The following AMOTL1 variants were observed in gnomAD, a reference collection of about 807,000 sequenced individuals.
The protein encoded by AMOTL1 is angiomotin-like protein 1.
A neutral mutation model predicts 102.9 loss-of-function variants in AMOTL1; 45 were observed. The ratio of observed to expected loss-of-function variants is 0.44; its 90% CI spans 0.34 to 0.56. The LOEUF is 0.56. AMOTL1 is among the 20% of genes least tolerant of loss of function. AMOTL1 has a pLI of 0.01. For synonymous variants in AMOTL1, 481 were observed against 484.7 expected, an observed-to-expected ratio of 0.99 and a Z score of 0.10; for missense variants, 1,114 against 1,225.6, an observed-to-expected ratio of 0.91 and a Z score of 1.36.
rs1291112535 is a variant in AMOTL1, at chr11:94,872,835, G to A, written c.*2040G>A. On this transcript the variant is annotated 3_prime_UTR_variant, in exon 13 of 13. Transcript: ENST00000433060. The stretch of plus-strand genomic sequence containing the variant: ...GGAGGCCTCATCCATGGGGGAAAGG[G>A]TTGAGGATGGACATGGGTGGGGAGA... The A allele has an allele frequency of 1.3e-5, 2 of 152,286 alleles. No individual in the cohort carries two copies. Among genetic ancestry groups the A allele is most frequent in the Admixed American group, 6.5e-5 (1 of 15,274 alleles). 9.4% of individuals were successfully genotyped at this position (152,286 alleles called of 1,614,324 possible). A position where few individuals can be genotyped will look rare whatever the true frequency, so the allele number is the denominator to read the frequency against.
rs1952878961 is a variant in AMOTL1, at chr11:94,866,136, A to G, written c.2456A>G (p.Lys819Arg). ...ACCAGCAGCCAGCTGGCTGAGGAAA[A>G]GAAGGAAGAGAAGACCTGGAAGGGG... ...SLTSSQLAEE[K>R]KEEKTWKGSI... The change falls in exon 11 of 13, where the codon AAG becomes AGG. Residue 819 changes from lysine (K) to arginine (R), a missense_variant. Physicochemically the swap from Lys to Arg is conservative, Grantham distance 26. Transcript: ENST00000433060. The G allele has an allele frequency of 6.2e-7, 1 of 1,613,896 alleles. No homozygotes were observed. The highest frequency in any genetic ancestry group is 1.3e-5 in the African/African-American group (1 of 74,936).
At chr11:94,812,432 T>G (rs1189465597) in intron 3 of AMOTL1, among the ~76,000 whole-genome samples, 2 of 152,190 alleles carry the variant, frequency 1.3e-5, no homozygotes, top group Admixed American at 1.3e-4. Flanking sequence ...ATACACAATT[T>G]ACATGTGAGA....
Position 94,855,148 on chromosome 11 carries a change from A to G in AMOTL1, c.1944+1066A>G, listed in dbSNP as rs570653779. Among the ~76,000 whole-genome samples, 7 of 152,318 alleles carry G rather than the reference A, an allele frequency of 4.6e-5. No homozygotes were observed. The South Asian group carries it at 1.2e-3, about 27-fold the overall frequency. Reference sequence around the variant, plus strand: ...AAGGCAGGGCCCCATGGAATTATCTACTGGATAGGGCATAGTGGTTGTGGT... The same window carrying G: ...AAGGCAGGGCCCCATGGAATTATCTGCTGGATAGGGCATAGTGGTTGTGGT... On this transcript the variant is annotated intron_variant, in intron 8 of 12. Coordinates refer to ENST00000433060, the MANE Select transcript of AMOTL1 (RefSeq NM_130847.3).
At chr11:94,778,888 C>T (rs775254951) in intron 1 of AMOTL1, among the ~76,000 whole-genome samples, 37 of 152,094 alleles carry the variant, frequency 2.4e-4, no homozygotes, top group Non-Finnish European at 4.1e-4. Flanking sequence ...CTTATAGGAT[C>T]GGGCTAGTTA....
chr11:94,819,205 A>T (rs2135622046), intron 3 of AMOTL1, among the ~76,000 whole-genome samples: 1 of 152,354 alleles, frequency 6.6e-6, no homozygotes, highest in South Asian at 2.1e-4. Context: ...AAGCAAAATA[A>T]ATCTCAGAAC....
chr11:94,815,293 A>G (rs1251518973), intron 3 of AMOTL1, among the ~76,000 whole-genome samples: 3 of 152,168 alleles, frequency 2.0e-5, no homozygotes, highest in Non-Finnish European at 4.4e-5. Flanking sequence ...TAAATAAGGA[A>G]TTCAGTATTG....
intron 1 of AMOTL1, among the ~76,000 whole-genome samples, chr11:94,774,952 C>T (rs1951003963): frequency 6.6e-6 from 1 of 152,122 alleles, no homozygotes; most frequent in Non-Finnish European, 1.5e-5. Context: ...ATGACTTTTT[C>T]TTCTATCATT....
chr11:94,746,437 G>A (rs1950591198), intron 3 of AMOTL1, among the ~76,000 whole-genome samples: 1 of 152,116 alleles, frequency 6.6e-6, no homozygotes, highest in Admixed American at 6.5e-5. Context: ...ATAGATATTT[G>A]GTTTGACATA....
intron 1 of AMOTL1, among the ~76,000 whole-genome samples, chr11:94,770,657 A>T (rs191260290): frequency 3.0e-4 from 45 of 152,284 alleles, no homozygotes; most frequent in Admixed American, 8.5e-4. Flanking sequence ...TTTGCAGATG[A>T]TGGAGGATGT....
Position 94,799,361 on chromosome 11 carries a change from A to T in AMOTL1, c.200-29A>T. ...CATATATCTCCTGTGGAGCTGCCTG[A>T]TATCTTTTTTCCTATGTTTATCTTT... On this transcript the variant is annotated intron_variant, in intron 2 of 12. Transcript: ENST00000433060. This position sits in a 1 kb window ranked among gnomAD's most constrained non-coding sequence, Gnocchi z 4.5. 1.3e-6 allele frequency: 2 copies of T among 1,514,514 alleles called. No individual in the cohort carries two copies. The highest frequency in any genetic ancestry group is 1.8e-6 in the Non-Finnish European group (2 of 1,123,224). 93.8% of individuals were successfully genotyped at this position (1,514,514 alleles called of 1,614,324 possible).
intron 3 of AMOTL1, among the ~76,000 whole-genome samples, chr11:94,802,219 T>C (rs978403544): frequency 5.9e-5 from 9 of 152,162 alleles, no homozygotes; most frequent in African/African-American, 2.2e-4. Context: ...TCTTCCCCCT[T>C]TATAGCTCCT....
chr11:94,817,813 G>A (rs1028670712), intron 3 of AMOTL1, among the ~76,000 whole-genome samples: 1 of 152,186 alleles, frequency 6.6e-6, no homozygotes, highest in African/African-American at 2.4e-5. Flanking sequence ...GAAAGCTAAT[G>A]TGTTCATAAA....
intron 1 of AMOTL1, among the ~76,000 whole-genome samples, chr11:94,788,629 T>A (rs545802521): frequency 6.6e-6 from 1 of 152,306 alleles, no homozygotes; most frequent in East Asian, 1.9e-4. Flanking sequence ...TACTTTGCAA[T>A]AAAAATGGGT....
intron 1 of AMOTL1, among the ~76,000 whole-genome samples, chr11:94,726,930 A>G (rs1950270201): frequency 6.6e-6 from 1 of 152,208 alleles, no homozygotes; most frequent in African/African-American, 2.4e-5. Context: ...GTGAAATTCA[A>G]GCATCAGAGA....
At chr11:94,781,462 G>C (rs1180010301) in intron 1 of AMOTL1, among the ~76,000 whole-genome samples, 1 of 152,194 alleles carries the variant, frequency 6.6e-6, no homozygotes, top group Non-Finnish European at 1.5e-5. Context: ...CCCCATGGGG[G>C]AGGCTGTGTC....
intron 3 of AMOTL1, among the ~76,000 whole-genome samples, chr11:94,806,717 T>C (rs554604441): frequency 6.6e-6 from 1 of 152,218 alleles, no homozygotes; most frequent in Non-Finnish European, 1.5e-5. Context: ...GGTTACTTTC[T>C]CAGGAAACCT....
chr11:94,749,567 A>G (rs987789807), intron 3 of AMOTL1, among the ~76,000 whole-genome samples: 1 of 152,200 alleles, frequency 6.6e-6, no homozygotes, highest in African/African-American at 2.4e-5. Context: ...GCAGCTCCTC[A>G]TAGTGACTAG....
chr11:94,848,239 C>A (rs1023141163), intron 6 of AMOTL1, among the ~76,000 whole-genome samples: 1 of 152,154 alleles, frequency 6.6e-6, no homozygotes, highest in Non-Finnish European at 1.5e-5. Context: ...CTCTCACATG[C>A]CTGTTGTTGC....
At chr11:94,716,798 G>C (rs1290016626) in intron 1 of AMOTL1, among the ~76,000 whole-genome samples, 1 of 152,082 alleles carries the variant, frequency 6.6e-6, no homozygotes, top group Admixed American at 6.6e-5. Context: ...TCTATTATTG[G>C]ATGGGGTTTG....
Sources: allele counts gnomAD v4.1 joint callset (sites outside exome capture counted in the v4.1 genomes callset), GRCh38; gene constraint gnomAD v4.1.1; non-coding constraint Gnocchi (gnomAD v3.1); transcripts MANE v1.5; gene names NCBI Gene and HGNC (gene_info 2026-07-23, HGNC 2026-07-21).